The following GTF2A1L variants were observed in gnomAD, a reference collection of about 807,000 sequenced individuals.
GTF2A1L encodes the protein general transcription factor IIA subunit 1 like.
A neutral mutation model predicts 49.7 loss-of-function variants in GTF2A1L; 48 were observed. The ratio of observed to expected loss-of-function variants is 0.97; its 90% CI spans 0.77 to 1.23. The LOEUF (loss-of-function observed/expected upper bound fraction) is 1.23. GTF2A1L is among the 50% of genes most tolerant of loss of function. The probability of loss-of-function intolerance (pLI) is 0.00; values close to 1 mark genes in which losing one functional copy is unlikely to be tolerated. For missense variants in GTF2A1L, 736 were observed against 564.8 expected, an observed-to-expected ratio of 1.30 and a Z score of -3.07; for synonymous variants, 246 against 193.5, an observed-to-expected ratio of 1.27 and a Z score of -2.25.
Position 48,646,674 on chromosome 2 carries a change from C to T in GTF2A1L, c.610C>T (p.Pro204Ser). The stretch of plus-strand genomic sequence containing the variant: ...GCAACCCGCAATTCTACCTTCTGGG[C>T]CAGTAGATAGGAAACACTTAGAAAA... ...LQQPAILPSG[P>S]VDRKHLENAT... The change falls in exon 6 of 9, where the codon CCA (proline) becomes TCA (serine). Residue 204 changes from proline (P) to serine (S), a missense_variant. Pro to Ser is a moderately conservative substitution (Grantham distance 74). Coordinates refer to ENST00000403751, the MANE Select transcript of GTF2A1L (RefSeq NM_006872.5). 6.2e-7 allele frequency: 1 copy of T among 1,614,088 alleles called. No individual in the cohort carries two copies. Among genetic ancestry groups the T allele is most frequent in the Non-Finnish European group, 8.5e-7 (1 of 1,179,998 alleles).
At chr2:48,641,504 T>C (rs973869909) in intron 3 of GTF2A1L, among the ~76,000 whole-genome samples, 7 of 152,298 alleles carry the variant, frequency 4.6e-5, no homozygotes, top group African/African-American at 1.7e-4. Flanking sequence ...CCATAATAAA[T>C]ATTACATTAA....
In GTF2A1L at chr2:48,656,348, GTTT is replaced by G. The variant is rs367837291; in HGVS notation, c.978+9333_978+9335del. Among the ~76,000 whole-genome samples the G allele has an allele frequency of 1.0e-3, 114 of 114,532 alleles. 1 individual carries two copies. In the Middle Eastern group the frequency reaches 0.02, roughly 21 times the overall value. 75.1% of individuals were successfully genotyped at this position (114,532 alleles called of 152,430 possible). A position where few individuals can be genotyped will look rare whatever the true frequency, so the allele number is the denominator to read the frequency against. On this transcript the variant is annotated intron_variant, in intron 6 of 8. Coordinates refer to ENST00000403751, the MANE Select transcript of GTF2A1L (RefSeq NM_006872.5). ...ATATCCCCACCAACGCTTATTTTCT[GTTT>G]TTTTTTTTTTTTTTTTTTTTTTTTT...
chr2:48,663,609 T>C (rs1572762469), intron 6 of GTF2A1L, among the ~76,000 whole-genome samples: 1 of 152,198 alleles, frequency 6.6e-6, no homozygotes, highest in Admixed American at 6.5e-5. Context: ...ATTTAAAACA[T>C]AAAATGCTAT....
chr2:48,635,557 C>T (rs930082634), intron 3 of GTF2A1L, among the ~76,000 whole-genome samples: 1 of 152,076 alleles, frequency 6.6e-6, no homozygotes. Context: ...CTGCAAGTCT[C>T]ATTGCCCAGG....
chr2:48,645,171 G>A lies in GTF2A1L; in HGVS notation c.388+54G>A. ...TTTTCAGCATTGGTACTATTTTTTG[G>A]ACATTAAGCTTCATGATTTTTAAAT... On this transcript the variant is annotated intron_variant, in intron 5 of 8. Transcript: ENST00000403751. 2.7e-6 allele frequency: 4 copies of A among 1,491,100 alleles called. No homozygotes were observed. In the South Asian group the frequency reaches 5.0e-5, roughly 19 times the overall value. The allele number at this position is 1,491,100 out of a possible 1,614,324, so 92.4% of individuals were successfully genotyped here. A position where few individuals can be genotyped will look rare whatever the true frequency, so the allele number is the denominator to read the frequency against.
At chr2:48,667,246 G>A (rs551431091) in intron 6 of GTF2A1L, among the ~76,000 whole-genome samples, 1 of 151,894 alleles carries the variant, frequency 6.6e-6, no homozygotes, top group Non-Finnish European at 1.5e-5. Context: ...GGCATGAGTG[G>A]CCATGCCCAG....
intron 6 of GTF2A1L, among the ~76,000 whole-genome samples, chr2:48,656,496 T>G (rs1171232020): frequency 6.6e-6 from 1 of 152,056 alleles, no homozygotes; most frequent in Admixed American, 6.5e-5. Flanking sequence ...ATGCATTCTT[T>G]GTAGAGAAGT....
chr2:48,634,650 A>T (rs1676782575), intron 3 of GTF2A1L, among the ~76,000 whole-genome samples: 1 of 152,192 alleles, frequency 6.6e-6, no homozygotes, highest in African/African-American at 2.4e-5. Context: ...TCCTGTGCTT[A>T]TGAAACTTAA....
At chr2:48,677,192 T>G (rs560804162) in intron 8 of GTF2A1L, among the ~76,000 whole-genome samples, 1 of 152,130 alleles carries the variant, frequency 6.6e-6, no homozygotes, top group African/African-American at 2.4e-5. Flanking sequence ...TTCTTGTTCA[T>G]TTTTCATATT....
intron 2 of GTF2A1L, 52 bp downstream of exon 2, chr2:48,621,004 AT>A: frequency 6.4e-7 from 1 of 1,565,776 alleles, no homozygotes; most frequent in Non-Finnish European, 8.7e-7. Flanking sequence ...TTTTTTCAGC[AT>A]ACAAAACTGA....
At chr2:48,621,000 C>A in intron 2 of GTF2A1L, 48 bp downstream of exon 2, 3 of 1,568,010 alleles carry the variant, frequency 1.9e-6, no homozygotes, top group Non-Finnish European at 2.6e-6. Flanking sequence ...TTGTTTTTTT[C>A]AGCATACAAA....
At chr2:48,645,911 G>A (rs1677474482) in intron 5 of GTF2A1L, among the ~76,000 whole-genome samples, 1 of 150,094 alleles carries the variant, frequency 6.7e-6, no homozygotes. Flanking sequence ...GCCTCCCAAA[G>A]TGCTGGGATT....
chr2:48,679,479 A>C lies in GTF2A1L; in HGVS notation c.*37A>C, dbSNP rs1679653842. The stretch of plus-strand genomic sequence containing the variant: ...TCAGTACATCTATTTTGTGAACATC[A>C]GTTGGATTATATTGCATATTGTGAA... On this transcript the variant is annotated 3_prime_UTR_variant, in exon 9 of 9. Coordinates refer to ENST00000403751, the MANE Select transcript of GTF2A1L (RefSeq NM_006872.5). 1 of 1,610,422 alleles carries C rather than the reference A, an allele frequency of 6.2e-7. No individual in the cohort carries two copies. Among genetic ancestry groups the C allele is most frequent in the Non-Finnish European group, 8.5e-7 (1 of 1,178,188 alleles).
intron 3 of GTF2A1L, among the ~76,000 whole-genome samples, chr2:48,641,531 A>G (rs1677197960): frequency 6.6e-6 from 1 of 152,194 alleles, no homozygotes; most frequent in South Asian, 2.1e-4. Flanking sequence ...AACATGCTAA[A>G]GTTTGTGTTT....
At chr2:48,655,064 T>C (rs1163360946) in intron 6 of GTF2A1L, among the ~76,000 whole-genome samples, 1 of 152,192 alleles carries the variant, frequency 6.6e-6, no homozygotes, top group African/African-American at 2.4e-5. Flanking sequence ...TGGGTTTGTG[T>C]TGAATCTATA....
At chr2:48,670,279 AG>A (rs1679097715) in intron 7 of GTF2A1L, among the ~76,000 whole-genome samples, 1 of 152,128 alleles carries the variant, frequency 6.6e-6, no homozygotes, top group Non-Finnish European at 1.5e-5. Flanking sequence ...CTGTAAACCC[AG>A]CTACTCAGGA....
chr2:48,634,539 T>C (rs1187352716), intron 3 of GTF2A1L, among the ~76,000 whole-genome samples: 2 of 152,228 alleles, frequency 1.3e-5, no homozygotes, highest in Admixed American at 1.3e-4. Flanking sequence ...GCATCAGTCT[T>C]TTGTTTCCGT....
intron 3 of GTF2A1L, among the ~76,000 whole-genome samples, chr2:48,621,782 A>C (rs1357718731): frequency 1.3e-5 from 2 of 152,218 alleles, no homozygotes; most frequent in African/African-American, 4.8e-5. Flanking sequence ...AATGGCTAGA[A>C]ATTGATCATG....
intron 6 of GTF2A1L, among the ~76,000 whole-genome samples, chr2:48,664,870 G>T (rs1295076201): frequency 6.6e-6 from 1 of 151,960 alleles, no homozygotes; most frequent in African/African-American, 2.4e-5. Flanking sequence ...TCTTCTGTCT[G>T]TCTCTCTCTC....
Sources: allele counts gnomAD v4.1 joint callset (sites outside exome capture counted in the v4.1 genomes callset), GRCh38; gene constraint gnomAD v4.1.1; transcripts MANE v1.5; gene names NCBI Gene and HGNC (gene_info 2026-07-23, HGNC 2026-07-21).